The following NAA15 variants were observed in gnomAD, a reference collection of about 807,000 sequenced individuals.
NAA15 encodes the protein N-alpha-acetyltransferase 15, NatA auxiliary subunit.
A neutral mutation model predicts 114.0 loss-of-function variants in NAA15; 34 were observed. That is an observed-to-expected ratio of 0.30 (90% CI 0.23 to 0.40). NAA15 has a LOEUF of 0.40. Ranked by LOEUF, NAA15 falls within the 10% of genes least tolerant of loss-of-function variation. NAA15 has a pLI of 1.00. For missense variants in NAA15, 658 were observed against 1,004.5 expected (o/e 0.66, Z 4.66); for synonymous variants, 340 against 338.0 (o/e 1.01, Z -0.06).
At chr4:139,370,800 G>C (rs1428718736) in intron 15 of NAA15, among the ~76,000 whole-genome samples, 3 of 152,162 alleles carry the variant, frequency 2.0e-5, no homozygotes, top group Non-Finnish European at 4.4e-5. Flanking sequence ...CATATGTAAA[G>C]CATCTAATGT....
intron 16 of NAA15, among the ~76,000 whole-genome samples, chr4:139,377,591 CTATAT>C (rs1445101682): frequency 4.0e-5 from 6 of 151,584 alleles, no homozygotes; most frequent in African/African-American, 7.3e-5. Flanking sequence ...GGAAAAGTTG[CTATAT>C]TATATTATTC....
Position 139,357,483 on chromosome 4 carries a change from G to A in NAA15, c.1185G>A (p.Glu395=). The A allele has an allele frequency of 6.2e-7, 1 of 1,612,976 alleles. No homozygotes were observed. Among genetic ancestry groups the A allele is most frequent in the Non-Finnish European group, 8.5e-7 (1 of 1,179,076 alleles). The change falls in exon 11 of 20, where the codon GAG becomes GAA. Residue 395 remains glutamate, a synonymous_variant. Transcript: ENST00000296543. ...TTGGTCAGCCATCTATTGCTTTGGA[G>A]TACATAAATACTGCTATTGAAAGTA... The part of the protein sequence containing the change: ...DKIGQPSIAL[E]YINTAIESTP...
At chr4:139,303,132 C>T (rs1024693178) in intron 1 of NAA15, among the ~76,000 whole-genome samples, 1 of 152,194 alleles carries the variant, frequency 6.6e-6, no homozygotes, top group Admixed American at 6.5e-5. Flanking sequence ...TTAGTGAATT[C>T]ATTTTGAAAA....
chr4:139,362,903 T>G (rs183077694), intron 14 of NAA15, among the ~76,000 whole-genome samples: 7 of 152,348 alleles, frequency 4.6e-5, no homozygotes, highest in Admixed American at 4.6e-4. Flanking sequence ...TTTTTTTCTT[T>G]TAAGCCTATT....
Position 139,351,236 on chromosome 4 carries a change from A to C in NAA15, c.857A>C (p.Lys286Thr), listed in dbSNP as rs757182339. Residue 286 changes from lysine to threonine, a missense_variant, in exon 8 of 20, where the codon AAA becomes ACA. This residue lies in a region of NAA15 where 281 missense variants were observed against 389.1 expected (regional missense o/e 0.72). Transcript: ENST00000296543. The stretch of plus-strand genomic sequence containing the variant: ...AAAATTTATGAGGAAGCCTGGACTA[A>C]ATATCCCAGGGGACTGGTGCCAAGA... ...RLKIYEEAWT[K>T]YPRGLVPRRL... 13 of 1,609,570 alleles carry C rather than the reference A, an allele frequency of 8.1e-6. No individual in the cohort carries two copies. The highest frequency in any genetic ancestry group is 1.6e-4 in the Middle Eastern group (1 of 6,068).
intron 14 of NAA15, among the ~76,000 whole-genome samples, chr4:139,362,588 C>T (rs1407720793): frequency 6.6e-6 from 1 of 152,156 alleles, no homozygotes; most frequent in Non-Finnish European, 1.5e-5. Flanking sequence ...AGCCACTATT[C>T]CCAGCCTATT....
chr4:139,386,368 T>C (rs893107363), intron 19 of NAA15, 138 bp downstream of exon 19: 16 of 479,742 alleles, frequency 3.3e-5, no homozygotes, highest in Admixed American at 1.6e-4. Flanking sequence ...AAAATTTATT[T>C]AGGCTGCTTG....
intron 1 of NAA15, among the ~76,000 whole-genome samples, chr4:139,329,836 C>T (rs1439321074): frequency 6.6e-6 from 1 of 152,142 alleles, no homozygotes; most frequent in African/African-American, 2.4e-5. Flanking sequence ...GTGCCTCAGC[C>T]TCGTTGAACA....
Position 139,342,913 on chromosome 4 carries a change from T to C in NAA15, c.490T>C (p.Tyr164His). ...YAIAYHLLED[Y>H]EMAAKILEEF... ...TATTGCTTACCATTTATTAGAAGAT[T>C]ATGAAATGGCAGCAAAGATTTTAGA... The change falls in exon 5 of 20, where the codon TAT becomes CAT. Residue 164 changes from tyrosine (Y) to histidine (H), a missense_variant. Physicochemically the swap from Tyr to His is moderately conservative, Grantham distance 83. This residue lies in a region of NAA15 where 75 missense variants were observed against 172.3 expected (regional missense o/e 0.44). Coordinates refer to ENST00000296543, the MANE Select transcript of NAA15 (RefSeq NM_057175.5). The C allele has an allele frequency of 1.2e-6, 2 of 1,613,564 alleles. No individual in the cohort carries two copies. The highest frequency in any genetic ancestry group is 1.7e-6 in the Non-Finnish European group (2 of 1,179,508).
At chr4:139,364,620 C>T (rs1340021711) in intron 14 of NAA15, among the ~76,000 whole-genome samples, 1 of 152,258 alleles carries the variant, frequency 6.6e-6, no homozygotes, top group East Asian at 1.9e-4. Flanking sequence ...GTTTCTTGGT[C>T]TAACATATAT....
intron 1 of NAA15, among the ~76,000 whole-genome samples, chr4:139,321,999 G>A (rs902126328): frequency 1.3e-5 from 2 of 152,132 alleles, no homozygotes; most frequent in South Asian, 4.2e-4. Context: ...ATGGATCCTA[G>A]GATATTTAAT....
chr4:139,327,966 T>C (rs928671471), intron 1 of NAA15, among the ~76,000 whole-genome samples: 3 of 152,232 alleles, frequency 2.0e-5, no homozygotes, highest in African/African-American at 7.2e-5. Flanking sequence ...TTTTTCATTT[T>C]AACTTACACA....
chr4:139,353,706 C>T (rs1747854700), intron 9 of NAA15, among the ~76,000 whole-genome samples: 1 of 152,158 alleles, frequency 6.6e-6, no homozygotes, highest in Non-Finnish European at 1.5e-5. Flanking sequence ...TGTGGGTGTT[C>T]ATTTATACAA....
At chr4:139,350,122 A>G (rs1747729880) in intron 7 of NAA15, among the ~76,000 whole-genome samples, 1 of 152,126 alleles carries the variant, frequency 6.6e-6, no homozygotes, top group Non-Finnish European at 1.5e-5. Context: ...TTTAGAAAAA[A>G]ATTCACAAAT....
chr4:139,313,282 C>G (rs1043049280), intron 1 of NAA15, among the ~76,000 whole-genome samples: 5 of 151,876 alleles, frequency 3.3e-5, no homozygotes, highest in African/African-American at 1.2e-4. Context: ...AAATGGCTTA[C>G]ACTTAAAATG....
chr4:139,344,085 A>T (rs1378789474), intron 5 of NAA15, 101 bp from the exon 6 acceptor site: 20 of 1,030,064 alleles, frequency 1.9e-5, no homozygotes, highest in Non-Finnish European at 2.7e-5. Context: ...TATCAACCGG[A>T]TGTTATCCTT....
intron 1 of NAA15, among the ~76,000 whole-genome samples, chr4:139,314,984 C>CGTTCAGTTCAGTTCA (rs200195608): frequency 2.4e-5 from 2 of 84,390 alleles, no homozygotes; most frequent in African/African-American, 8.1e-5. Context: ...CCTAGAGAAG[C>CGTTCAGTTCAGTTCA]GTTCAGTTCA....
chr4:139,354,131 C>A (rs766919500), intron 10 of NAA15, 33 bp downstream of exon 10: 232 of 1,540,540 alleles, frequency 1.5e-4, no homozygotes, highest in Non-Finnish European at 2.1e-4. Context: ...TTAAAAACAT[C>A]TTGAAAATTT....
intron 11 of NAA15, among the ~76,000 whole-genome samples, chr4:139,358,196 T>G (rs968241499): frequency 6.6e-6 from 1 of 151,394 alleles, no homozygotes; most frequent in Non-Finnish European, 1.5e-5. Context: ...TTTTTGTTTT[T>G]TTTTTTTTGA....
Sources: allele counts gnomAD v4.1 joint callset (sites outside exome capture counted in the v4.1 genomes callset), GRCh38; gene constraint gnomAD v4.1.1; regional missense constraint gnomAD v4.1.1; transcripts MANE v1.5; gene names NCBI Gene and HGNC (gene_info 2026-07-23, HGNC 2026-07-21).